Variants in KCNQ1 observed in about 807,000 individuals in gnomAD.
KCNQ1 encodes the protein potassium voltage-gated channel subfamily Q member 1, also known as potassium voltage-gated channel subfamily KQT member 1.
KCNQ1 carries 49 observed loss-of-function variants against 72.4 expected under a neutral mutation model. The ratio of observed to expected loss-of-function variants is 0.68; its 90% confidence interval spans 0.54 to 0.86. The LOEUF is 0.86. Ranked by LOEUF, KCNQ1 falls within the 40% of genes least tolerant of loss-of-function variation. The pLI, the probability that KCNQ1 is intolerant of heterozygous loss-of-function variation, is 0.00. For missense variants in KCNQ1, 790 were observed against 945.1 expected, an observed-to-expected ratio of 0.84 and a Z score of 2.15; for synonymous variants, 450 against 412.6, an observed-to-expected ratio of 1.09 and a Z score of -1.10.
At chr11:2,793,668 C>T (rs1228766020) in intron 15 of KCNQ1, among the ~76,000 whole-genome samples, 2 of 152,050 alleles carry the variant, frequency 1.3e-5, no homozygotes, top group Non-Finnish European at 2.9e-5. Flanking sequence ...TGAGGCCCTT[C>T]TGGAGGGATG....
rs1847862552 is a variant in KCNQ1, at chr11:2,543,940, G to A, written c.477+15922G>A. On this transcript the variant is annotated intron_variant, in intron 2 of 15. Transcript: ENST00000155840. This position sits in a 1 kb window ranked among gnomAD's most constrained non-coding sequence, Gnocchi z 5.6. The stretch of plus-strand genomic sequence containing the variant: ...TGTCTCTTTCTGGACACTCTACTGT[G>A]ATCCGTTGATCTGTCCTTTTGCCAG... Among the ~76,000 whole-genome samples the A allele has an allele frequency of 6.6e-6, 1 of 152,142 alleles. No individual in the cohort carries two copies.
At chr11:2,836,637 C>G (rs1564911174) in intron 15 of KCNQ1, among the ~76,000 whole-genome samples, 1 of 152,216 alleles carries the variant, frequency 6.6e-6, no homozygotes, top group Non-Finnish European at 1.5e-5. Flanking sequence ...ACAGCCGTCC[C>G]AGGAGCCAGC....
chr11:2,461,623 G>A, intron 1 of KCNQ1: 6 of 1,364,710 alleles, frequency 4.4e-6, no homozygotes, highest in Non-Finnish European at 5.9e-6. Flanking sequence ...ACAACTCCAG[G>A]TTTCTGGCTC....
Position 2,676,612 on chromosome 11 carries a change from A to C in KCNQ1, c.1514+14531A>C. On this transcript the variant is annotated intron_variant, in intron 11 of 15. Coordinates refer to ENST00000155840, the MANE Select transcript of KCNQ1 (RefSeq NM_000218.3). This position sits in a 1 kb window ranked among gnomAD's most constrained non-coding sequence, Gnocchi z 4.2. ...CAGCCAGCTCTCCAAAGAGGCCTCT[A>C]AGAAATGGGTAGCTTCACAGATTCA... 2.5e-6 allele frequency: 1 copy of C among 398,680 alleles called. No homozygotes were observed. Among genetic ancestry groups the C allele is most frequent in the East Asian group, 3.6e-5 (1 of 28,082 alleles). The allele number at this position is 398,680 out of a possible 1,614,324, so 24.7% of individuals were successfully genotyped here. A position where few individuals can be genotyped will look rare whatever the true frequency, so the allele number is the denominator to read the frequency against.
rs991180635 is a variant in KCNQ1 at position 2,543,342 on chromosome 11, TA to T, written c.477+15325del. ...AGGCTGGAGTGCAGTGGCGTAAACG[TA>T]GCTCACTGCAACCTCGAATTCCTGG... is the stretch of plus-strand genomic sequence containing the variant. On this transcript the variant is annotated intron_variant, in intron 2 of 15. Transcript: ENST00000155840. This position sits in a 1 kb window ranked among gnomAD's most constrained non-coding sequence, Gnocchi z 5.6. Among the ~76,000 whole-genome samples, 106 of 152,240 alleles carry T rather than the reference TA, an allele frequency of 7.0e-4. No homozygotes were observed. The highest frequency in any genetic ancestry group is 2.3e-3 in the African/African-American group (96 of 41,546).
chr11:2,615,938 G>A (rs1849055106), intron 10 of KCNQ1: 4 of 398,076 alleles, frequency 1.0e-5, no homozygotes, highest in East Asian at 3.6e-5. Context: ...AGGGATTGGT[G>A]TGAATTCTTC....
At chr11:2,819,229 G>A (rs1024475289) in intron 15 of KCNQ1, among the ~76,000 whole-genome samples, 1 of 152,240 alleles carries the variant, frequency 6.6e-6, no homozygotes, top group Non-Finnish European at 1.5e-5. Flanking sequence ...TAGGAGGACA[G>A]ACAATGACAG....
intron 11 of KCNQ1, among the ~76,000 whole-genome samples, chr11:2,728,365 G>T (rs1845800523): frequency 6.6e-6 from 1 of 152,248 alleles, no homozygotes; most frequent in Non-Finnish European, 1.5e-5. Context: ...AGCCCTCAGG[G>T]GACCACAGCC....
rs1185964328 is a variant in KCNQ1 at position 2,484,006 on chromosome 11, ACTTT to A, written c.386+38529_386+38532del. Among the ~76,000 whole-genome samples the A allele has an allele frequency of 2.6e-5, 4 of 152,056 alleles. No homozygotes were observed. The highest frequency in any genetic ancestry group is 5.9e-5 in the Non-Finnish European group (4 of 67,978). On this transcript the variant is annotated intron_variant, in intron 1 of 15. Transcript: ENST00000155840. This position sits in a 1 kb window ranked among gnomAD's most constrained non-coding sequence, Gnocchi z 5.2. ...CCAAATGGGGATTTGTTTATTTCCC[ACTTT>A]CTTTCTATGTTTGTTAATTTGGATT...
rs749452345 is a variant in KCNQ1, at chr11:2,678,259, C to A, written c.1514+16178C>A. On this transcript the variant is annotated intron_variant, in intron 11 of 15. Transcript: ENST00000155840. The surrounding 1 kb of genome is among the most constrained non-coding windows in gnomAD (Gnocchi z 4.9). ...GTCCTTATCTTAAATTCTGAAATAACCTCTCATCCTGAAATTGTTTTAATA... is the reference window on the plus strand; with the variant it reads ...GTCCTTATCTTAAATTCTGAAATAAACTCTCATCCTGAAATTGTTTTAATA... 10 of 398,216 alleles carry A rather than the reference C, an allele frequency of 2.5e-5. No homozygotes were observed. The highest frequency in any genetic ancestry group is 4.0e-5 in the Non-Finnish European group (9 of 225,980). 24.7% of individuals were successfully genotyped at this position (398,216 alleles called of 1,614,324 possible). A position where few individuals can be genotyped will look rare whatever the true frequency, so the allele number is the denominator to read the frequency against.
At chr11:2,513,950 C>A (rs769149733) in intron 1 of KCNQ1, among the ~76,000 whole-genome samples, 1 of 152,210 alleles carries the variant, frequency 6.6e-6, no homozygotes, top group African/African-American at 2.4e-5. Flanking sequence ...GTGCATGGGG[C>A]CTGTCCCATG....
intron 11 of KCNQ1, among the ~76,000 whole-genome samples, chr11:2,757,667 A>G (rs928513737): frequency 7.9e-5 from 12 of 152,252 alleles, no homozygotes; most frequent in African/African-American, 2.9e-4. Flanking sequence ...TTTAAGGCCT[A>G]CTATACAGTA....
chr11:2,445,394 C>A lies in KCNQ1; in HGVS notation c.296C>A (p.Pro99Gln), dbSNP rs370435862. The A allele has an allele frequency of 5.6e-6, 9 of 1,597,760 alleles. No homozygotes were observed. The highest frequency in any genetic ancestry group is 4.0e-5 in the African/African-American group (3 of 74,916). Residue 99 changes from proline (P) to glutamine (Q), a missense_variant, in exon 1 of 16, where the codon CCG becomes CAG. By Grantham distance (76) the Pro-to-Gln change is moderately conservative (BLOSUM62 -1). This residue lies in a region of KCNQ1 where 294 missense variants were observed against 323.3 expected (regional missense o/e 0.91). Transcript: ENST00000155840. Reference sequence around the variant, plus strand: ...GTCTCCATCTACAGCACGCGCCGCCCGGTGTTGGCGCGCACCCACGTCCAG... The same window carrying A: ...GTCTCCATCTACAGCACGCGCCGCCAGGTGTTGGCGCGCACCCACGTCCAG... ...PRVSIYSTRR[P>Q]VLARTHVQGR...
chr11:2,758,614 TAGA>T (rs1255157590), intron 11 of KCNQ1, among the ~76,000 whole-genome samples: 1 of 152,228 alleles, frequency 6.6e-6, no homozygotes, highest in Non-Finnish European at 1.5e-5. Flanking sequence ...TGAAAATTTA[TAGA>T]AGCTTTATTC....
rs530132064 is a variant in KCNQ1 at position 2,674,392 on chromosome 11, C to T, written c.1514+12311C>T. 1.0e-3 allele frequency: 149 copies of T among 148,186 alleles called. No homozygotes were observed. Among genetic ancestry groups the T allele is most frequent in the African/African-American group, 3.2e-3 (127 of 40,166 alleles). The allele number at this position is 148,186 out of a possible 1,614,324, so 9.2% of individuals were successfully genotyped here. A position where few individuals can be genotyped will look rare whatever the true frequency, so the allele number is the denominator to read the frequency against. On this transcript the variant is annotated intron_variant, in intron 11 of 15. Transcript: ENST00000155840. The surrounding 1 kb of genome is among the most constrained non-coding windows in gnomAD (Gnocchi z 5.9). ...GCTTCCTGCTTAGGGAAGGTGCATG[C>T]GTGCGTGTGTGTGTGCGCGCCCGCG... is the stretch of plus-strand genomic sequence containing the variant.
intron 2 of KCNQ1, among the ~76,000 whole-genome samples, chr11:2,570,003 C>T (rs368454314): frequency 6.0e-4 from 92 of 152,336 alleles, no homozygotes; most frequent in African/African-American, 2.1e-3. Flanking sequence ...CAGAGGCTGC[C>T]CCTACCGCAG....
At position 2,564,098 on chromosome 11, in the gene KCNQ1, A is replaced by G. The variant is rs116323846; in HGVS notation, c.478-6530A>G. On this transcript the variant is annotated intron_variant, in intron 2 of 15. Coordinates refer to ENST00000155840, the MANE Select transcript of KCNQ1 (RefSeq NM_000218.3). This position sits in a 1 kb window ranked among gnomAD's most constrained non-coding sequence, Gnocchi z 4.5. ...CTCATTTCAGTATCAGAGAACACAC[A>G]TAACGTAAAATTCACCATTTCAGCC... Among the ~76,000 whole-genome samples, 1,720 of 152,346 alleles carry G rather than the reference A, an allele frequency of 0.011. 25 individuals carry two copies. The highest frequency in any genetic ancestry group is 0.036 in the African/African-American group (1,487 of 41,572).
chr11:2,666,865 G>C, intron 11 of KCNQ1: 1 of 398,726 alleles, frequency 2.5e-6, no homozygotes, highest in Non-Finnish European at 4.4e-6. Flanking sequence ...TGAGGGGCTT[G>C]TCAAGAACAG....
rs120074186 is a variant in KCNQ1 at position 2,572,979 on chromosome 11, G to C, written c.914G>C (p.Trp305Ser). The C allele has an allele frequency of 6.2e-7, 1 of 1,612,826 alleles. No individual in the cohort carries two copies. The highest frequency in any genetic ancestry group is 8.5e-7 in the Non-Finnish European group (1 of 1,179,454). Residue 305 changes from tryptophan (W) to serine (S), a missense_variant, in exon 6 of 16, where the codon TGG becomes TCG. Around this residue, in one of 5 missense-constraint regions of KCNQ1, gnomAD observed 133 missense variants for 219.5 expected, o/e 0.61. Coordinates refer to ENST00000155840, the MANE Select transcript of KCNQ1 (RefSeq NM_000218.3). Reference sequence around the variant, plus strand: ...GGCAGCTACGCAGATGCGCTGTGGTGGGGGGTGGTAAGTCGGAAACTTCCA... The same window carrying C: ...GGCAGCTACGCAGATGCGCTGTGGTCGGGGGTGGTAAGTCGGAAACTTCCA... ...EFGSYADALW[W>S]GVVTVTTIGY... is the part of the protein sequence containing the mutation.
Sources: gnomAD v4.1 joint callset for allele counts (sites outside exome capture counted in the v4.1 genomes callset) on GRCh38, gnomAD v4.1.1 for gene constraint, gnomAD v4.1.1 regional missense constraint, Gnocchi (gnomAD v3.1) non-coding constraint, MANE v1.5 for transcripts, NCBI Gene and HGNC (gene_info 2026-07-23, HGNC 2026-07-21) for gene names.